The following MARCHF6 variants were observed in gnomAD, a reference collection of about 807,000 sequenced individuals.
MARCHF6 encodes membrane associated ring-CH-type finger 6, also known as E3 ubiquitin-protein ligase MARCHF6.
MARCHF6 carries 31 observed loss-of-function variants against 133.7 expected under a neutral mutation model. The ratio of observed to expected loss-of-function variants is 0.23; its 90% confidence interval spans 0.17 to 0.31. The LOEUF (loss-of-function observed/expected upper bound fraction) is 0.31. Ranked by LOEUF, MARCHF6 falls within the 10% of genes least tolerant of loss-of-function variation. The pLI is 1.00. For synonymous variants in MARCHF6, 395 were observed against 402.5 expected (o/e 0.98, Z 0.22); for missense variants, 723 against 1,121.6 (o/e 0.64, Z 5.08).
chr5:10,387,594 C>T (rs141947552), intron 5 of MARCHF6, among the ~76,000 whole-genome samples: 4,871 of 152,010 alleles, frequency 0.032, 258 homozygotes, highest in African/African-American at 0.11. Context: ...TGAGCCACCG[C>T]GCCCGTCCGG....
intron 16 of MARCHF6, 22 bp downstream of exon 16, chr5:10,405,699 T>G: frequency 6.6e-7 from 1 of 1,514,094 alleles, no homozygotes; most frequent in South Asian, 1.3e-5. Flanking sequence ...TTTCCATTGT[T>G]TTTTTTTTTT....
intron 9 of MARCHF6, 105 bp downstream of exon 9, chr5:10,394,890 C>G: frequency 1.5e-6 from 1 of 668,092 alleles, no homozygotes; most frequent in South Asian, 1.7e-5. Flanking sequence ...ACCTCCGTCT[C>G]CTGGGTTCAT....
In MARCHF6 at chr5:10,437,426, C is replaced by T. The variant is rs1361248103; in HGVS notation, c.*3742C>T. On this transcript the variant is annotated 3_prime_UTR_variant, in exon 26 of 26. Coordinates refer to ENST00000274140, the MANE Select transcript of MARCHF6 (RefSeq NM_005885.4). ...GTCTTGTATTTACTTAATTTGTCCC[C>T]TCAACCAGGTGTTTTCTTTTCAGCC... 1 of 152,200 alleles carries T rather than the reference C, an allele frequency of 6.6e-6. No individual in the cohort carries two copies. The highest frequency in any genetic ancestry group is 2.4e-5 in the African/African-American group (1 of 41,452). 9.4% of individuals were successfully genotyped at this position (152,200 alleles called of 1,614,324 possible).
At chr5:10,356,544 C>T (rs377523391) in intron 1 of MARCHF6, among the ~76,000 whole-genome samples, 2 of 151,816 alleles carry the variant, frequency 1.3e-5, no homozygotes, top group South Asian at 2.1e-4. Context: ...TACAGGAGCG[C>T]GCCACCTCCC....
intron 11 of MARCHF6, 119 bp from the exon 12 acceptor site, chr5:10,401,940 C>G: frequency 1.5e-6 from 1 of 656,384 alleles, no homozygotes; most frequent in South Asian, 2.0e-5. Context: ...ACAGTTGTTT[C>G]CTGGTTATAA....
At chr5:10,426,076 TGTG>T (rs1740071225) in intron 23 of MARCHF6, among the ~76,000 whole-genome samples, 2 of 152,234 alleles carry the variant, frequency 1.3e-5, no homozygotes, top group African/African-American at 2.4e-5. Flanking sequence ...CTTCAAGTAA[TGTG>T]GTCTTGAATG....
intron 16 of MARCHF6, among the ~76,000 whole-genome samples, chr5:10,406,244 A>T (rs74649962): frequency 6.6e-6 from 1 of 152,178 alleles, no homozygotes; most frequent in East Asian, 1.9e-4. Flanking sequence ...GGTATGATTG[A>T]TTGCTAAATT....
intron 10 of MARCHF6, among the ~76,000 whole-genome samples, chr5:10,399,173 CA>C (rs1244792845): frequency 6.6e-6 from 1 of 152,068 alleles, no homozygotes; most frequent in African/African-American, 2.4e-5. Context: ...TTGCCCCTCC[CA>C]GGGGCCTAGT....
intron 19 of MARCHF6, among the ~76,000 whole-genome samples, chr5:10,412,656 T>C (rs1445265979): frequency 6.6e-6 from 1 of 152,180 alleles, no homozygotes; most frequent in African/African-American, 2.4e-5. Flanking sequence ...CACTGTAGCC[T>C]TAACCTCCTG....
intron 1 of MARCHF6, among the ~76,000 whole-genome samples, chr5:10,361,786 G>A (rs1021668520): frequency 4.0e-5 from 6 of 150,720 alleles, no homozygotes; most frequent in African/African-American, 7.3e-5. Flanking sequence ...TTTTTGAGAC[G>A]GAGTTTAGCT....
chr5:10,431,252 A>G (rs912444951), intron 25 of MARCHF6, among the ~76,000 whole-genome samples: 2 of 152,218 alleles, frequency 1.3e-5, no homozygotes, highest in African/African-American at 2.4e-5. Flanking sequence ...GGTATTTTCA[A>G]TGATGAAAAT....
intron 23 of MARCHF6, among the ~76,000 whole-genome samples, chr5:10,425,153 A>G (rs762680509): frequency 2.6e-5 from 4 of 152,218 alleles, no homozygotes; most frequent in Non-Finnish European, 5.9e-5. Context: ...AATCTGTTCA[A>G]AAAGTGCCTG....
chr5:10,391,827 T>A, intron 7 of MARCHF6, 96 bp downstream of exon 7: 1 of 1,230,040 alleles, frequency 8.1e-7, no homozygotes, highest in Non-Finnish European at 1.1e-6. Flanking sequence ...TTTTTAATGT[T>A]GTGAAGTTCT....
rs771395609 is a variant in MARCHF6, at chr5:10,391,643, T to A, written c.678T>A (p.Asp226Glu). Reference sequence around the variant, plus strand: ...TGGGGGAAAACCCTGATGCCCAGGATGACCAGGCAGAAGAGGAGGAGGAGG... The same window carrying A: ...TGGGGGAAAACCCTGATGCCCAGGAAGACCAGGCAGAAGAGGAGGAGGAGG... ...AVVGENPDAQ[D>E]DQAEEEEEDN... Residue 226 changes from aspartate (D) to glutamate (E), a missense_variant, in exon 7 of 26, where the codon GAT (aspartate) becomes GAA (glutamate). By Grantham distance (45) the Asp-to-Glu change is conservative. Coordinates refer to ENST00000274140, the MANE Select transcript of MARCHF6 (RefSeq NM_005885.4). 6.2e-7 allele frequency: 1 copy of A among 1,611,440 alleles called. No homozygotes were observed. The highest frequency in any genetic ancestry group is 8.5e-7 in the Non-Finnish European group (1 of 1,179,002).
intron 19 of MARCHF6, 65 bp from the exon 20 acceptor site, chr5:10,414,368 T>C (rs1739388891): frequency 1.1e-6 from 1 of 895,376 alleles, no homozygotes; most frequent in Non-Finnish European, 1.8e-6. Flanking sequence ...ATTGTGTTGA[T>C]TCTTTGATAA....
At chr5:10,358,135 G>C (rs1735594003) in intron 1 of MARCHF6, among the ~76,000 whole-genome samples, 1 of 152,150 alleles carries the variant, frequency 6.6e-6, no homozygotes, top group Non-Finnish European at 1.5e-5. Flanking sequence ...ACTCTGGGCA[G>C]AGCATTCCAG....
In MARCHF6 at chr5:10,430,037, G is replaced by C; in HGVS notation, c.2642+9G>C. 6.2e-7 allele frequency: 1 copy of C among 1,605,546 alleles called. No individual in the cohort carries two copies. Among genetic ancestry groups the C allele is most frequent in the Non-Finnish European group, 8.5e-7 (1 of 1,173,560 alleles). On this transcript the variant is annotated intron_variant, in intron 25 of 25. Transcript: ENST00000274140. ...CATATTAAAAATGACAAGTAAGTCT[G>C]GCGTTCTGTTCGTCTCTTGTTTAAG...
In MARCHF6 at chr5:10,426,493, T is replaced by G. The variant is rs1252057199; in HGVS notation, c.2477T>G (p.Val826Gly). The G allele has an allele frequency of 2.5e-6, 4 of 1,614,070 alleles. No homozygotes were observed. The highest frequency in any genetic ancestry group is 3.3e-5 in the Admixed American group (2 of 60,012). ...TTGCTTTCCCTGTGTGTACCTTATG[T>G]CATAGCTTCTGGTGTTGTTCCTTTA... ...VLLLSLCVPY[V>G]IASGVVPLLG... Residue 826 changes from valine to glycine, a missense_variant, in exon 24 of 26, where the codon GTC (valine) becomes GGC (glycine). By Grantham distance (109) the Val-to-Gly change is moderately radical. Coordinates refer to ENST00000274140, the MANE Select transcript of MARCHF6 (RefSeq NM_005885.4).
chr5:10,367,010 TATAAG>T (rs1736177314), intron 1 of MARCHF6, among the ~76,000 whole-genome samples: 1 of 137,042 alleles, frequency 7.3e-6, no homozygotes, highest in African/African-American at 2.8e-5. Context: ...TATGATATGA[TATAAG>T]ATGCCACTTC....
Sources: allele counts gnomAD v4.1 joint callset (sites outside exome capture counted in the v4.1 genomes callset), GRCh38; gene constraint gnomAD v4.1.1; transcripts MANE v1.5; gene names NCBI Gene and HGNC (gene_info 2026-07-23, HGNC 2026-07-21).